The following DOCK8 variants were observed in gnomAD, a reference collection of about 807,000 sequenced individuals.
The protein encoded by DOCK8 is dedicator of cytokinesis protein 8.
In DOCK8, 141 loss-of-function variants were observed where a neutral mutation model predicts 245.6. The observed-to-expected ratio is 0.57, with a 90% confidence interval of 0.50 to 0.66. The LOEUF (loss-of-function observed/expected upper bound fraction) is 0.66. Among genes scored for constraint, DOCK8 ranks in the 30% least tolerant of loss-of-function variants. The pLI, the probability that DOCK8 is intolerant of heterozygous loss-of-function variation, is 0.00. For synonymous variants in DOCK8, 1,168 were observed against 970.2 expected, an observed-to-expected ratio of 1.20 and a Z score of -3.79; for missense variants, 2,965 against 2,603.4, an observed-to-expected ratio of 1.14 and a Z score of -3.02.
At chr9:369,471 A>G (rs2053182099) in intron 15 of DOCK8, 1 of 152,380 alleles carries the variant, frequency 6.6e-6, no homozygotes, top group African/African-American at 2.4e-5. Flanking sequence ...TTCATAATGC[A>G]TCCTAAATGC....
At chr9:441,830 C>G in intron 41 of DOCK8, 45 bp from the exon 42 acceptor site, 2 of 1,610,400 alleles carry the variant, frequency 1.2e-6, no homozygotes, top group Non-Finnish European at 1.7e-6. Flanking sequence ...AGTGGCTCCT[C>G]AGGATGACAT....
chr9:258,350 C>CCTT (rs35788108), intron 1 of DOCK8, among the ~76,000 whole-genome samples: 6 of 56,902 alleles, frequency 1.1e-4, no homozygotes, highest in Non-Finnish European at 4.1e-5. Context: ...CAGCATGTGG[C>CCTT]CTCTAAATTG....
rs1401747441 is a variant in DOCK8 at position 441,431 on chromosome 9, C to A, written c.5355+14C>A. 6.2e-7 allele frequency: 1 copy of A among 1,614,120 alleles called. No homozygotes were observed. The highest frequency in any genetic ancestry group is 1.1e-5 in the South Asian group (1 of 91,080). ...ATCGTTAACAAGGTAGCCGGGGAGC[C>A]TGGCTGGCAGGTCTTGTTACCTGGT... On this transcript the variant is annotated intron_variant, in intron 41 of 47. Transcript: ENST00000432829.
chr9:280,034 A>G (rs2048511503), intron 2 of DOCK8, among the ~76,000 whole-genome samples: 1 of 152,204 alleles, frequency 6.6e-6, no homozygotes, highest in Non-Finnish European at 1.5e-5. Flanking sequence ...TTCAACAGAT[A>G]TGGTTCTGGG....
At position 304,945 on chromosome 9, in the gene DOCK8, G is replaced by C. The variant is rs78934788; in HGVS notation, c.528+241G>C. ...AAAAAAGTGGAAAAGCTCTAACTGG[G>C]GGACAGAGACACCTTGGGCCCATCC... On this transcript the variant is annotated intron_variant, in intron 5 of 47. Coordinates refer to ENST00000432829, the MANE Select transcript of DOCK8 (RefSeq NM_203447.4). Among the ~76,000 whole-genome samples the C allele has an allele frequency of 0.46, 69,151 of 151,880 alleles. 17,253 individuals carry two copies. Among genetic ancestry groups the C allele is most frequent in the East Asian group, 0.75 (3,863 of 5,130 alleles).
chr9:329,821 A>G (rs968738759), intron 9 of DOCK8, among the ~76,000 whole-genome samples: 1 of 152,236 alleles, frequency 6.6e-6, no homozygotes, highest in South Asian at 2.1e-4. Flanking sequence ...CACTTACTAA[A>G]TATGTTCCAA....
At chr9:443,646 A>G (rs1013717950) in intron 43 of DOCK8, 130 bp downstream of exon 43, 2 of 707,990 alleles carry the variant, frequency 2.8e-6, no homozygotes, top group Admixed American at 5.1e-5. Flanking sequence ...TTTCGTCTAG[A>G]GTTCAACTAC....
chr9:419,673 C>T (rs953793149), intron 30 of DOCK8, among the ~76,000 whole-genome samples: 4 of 152,186 alleles, frequency 2.6e-5, no homozygotes, highest in African/African-American at 7.2e-5. Flanking sequence ...ATATTAGCTA[C>T]GCTGCATGAA....
At chr9:440,063 G>C (rs530930858) in intron 40 of DOCK8, among the ~76,000 whole-genome samples, 9 of 152,258 alleles carry the variant, frequency 5.9e-5, no homozygotes, top group South Asian at 2.1e-4. Flanking sequence ...CTGTCGCCCA[G>C]GCTGGAATGC....
chr9:408,517 A>T (rs1208354763), intron 28 of DOCK8, among the ~76,000 whole-genome samples: 1 of 152,174 alleles, frequency 6.6e-6, no homozygotes, highest in Non-Finnish European at 1.5e-5. Flanking sequence ...CCTACAACTA[A>T]CATAAATTTC....
chr9:427,206 G>T (rs1168911846), intron 34 of DOCK8, among the ~76,000 whole-genome samples: 1 of 152,146 alleles, frequency 6.6e-6, no homozygotes, highest in East Asian at 1.9e-4. Context: ...CTTGGAGAGG[G>T]TTAGGTGTTT....
chr9:421,197 CAG>C, intron 32 of DOCK8, 119 bp downstream of exon 32: 1 of 1,382,254 alleles, frequency 7.2e-7, no homozygotes. Context: ...ACGGTAGTGT[CAG>C]AGACAGCGGA....
In DOCK8 at chr9:266,120, C is replaced by T. The variant is rs369750330; in HGVS notation, c.54-5507C>T. Among the ~76,000 whole-genome samples, 8 of 152,198 alleles carry T rather than the reference C, an allele frequency of 5.3e-5. No homozygotes were observed. In the East Asian group the frequency reaches 5.8e-4, roughly 11 times the overall value. The stretch of plus-strand genomic sequence containing the variant: ...GTCTTCTCCATTAGAACTTCTTTTA[C>T]GAATTTTTTTCTCAAAATCTGGCTC... On this transcript the variant is annotated intron_variant, in intron 1 of 47. Transcript: ENST00000432829.
At chr9:415,706 ACAC>A (rs1399195121) in intron 29 of DOCK8, among the ~76,000 whole-genome samples, 1 of 152,092 alleles carries the variant, frequency 6.6e-6, no homozygotes, top group Non-Finnish European at 1.5e-5. Flanking sequence ...ACACACACAC[ACAC>A]AATTCCTATC....
chr9:439,796 G>A (rs989115730), intron 40 of DOCK8, among the ~76,000 whole-genome samples: 8 of 152,108 alleles, frequency 5.3e-5, no homozygotes, highest in Admixed American at 3.9e-4. Context: ...CCACTGGGAG[G>A]AGAGAGGAGG....
chr9:449,105 CT>C (rs2131861047), intron 44 of DOCK8, among the ~76,000 whole-genome samples: 1 of 152,272 alleles, frequency 6.6e-6, no homozygotes, highest in South Asian at 2.1e-4. Context: ...AATCCCAGCA[CT>C]TTGGGAGGCC....
rs1002971479 is a variant in DOCK8, at chr9:446,695, G to A, written c.5817+89G>A. ...CACAAACCTCTTTCACAGTGGATTG[G>A]ACTGAAAACAAGGAGGGATGCACTT... is the stretch of plus-strand genomic sequence containing the variant. On this transcript the variant is annotated intron_variant, in intron 44 of 47. Coordinates refer to ENST00000432829, the MANE Select transcript of DOCK8 (RefSeq NM_203447.4). The A allele has an allele frequency of 5.1e-6, 6 of 1,171,166 alleles. No homozygotes were observed. The African/African-American group carries it at 9.1e-5, about 18-fold the overall frequency. 72.5% of individuals were successfully genotyped at this position (1,171,166 alleles called of 1,614,324 possible).
chr9:293,215 G>A (rs1371742518), intron 4 of DOCK8, among the ~76,000 whole-genome samples: 1 of 152,058 alleles, frequency 6.6e-6, no homozygotes, highest in Non-Finnish European at 1.5e-5. Flanking sequence ...CTATCCCTCT[G>A]CCTCATTCTC....
At chr9:312,933 C>T (rs2050189660) in intron 6 of DOCK8, 2 of 153,140 alleles carry the variant, frequency 1.3e-5, no homozygotes, top group Admixed American at 6.5e-5. Flanking sequence ...ATTGAAAGTT[C>T]AGTTGGAAGA....
Sources: allele counts gnomAD v4.1 joint callset (sites outside exome capture counted in the v4.1 genomes callset), GRCh38; gene constraint gnomAD v4.1.1; transcripts MANE v1.5; gene names NCBI Gene and HGNC (gene_info 2026-07-23, HGNC 2026-07-21).